Variants in DENND2A observed in about 807,000 individuals in gnomAD.
DENND2A encodes DENN domain-containing protein 2A.
A neutral mutation model predicts 105.3 loss-of-function variants in DENND2A; 53 were observed. The observed-to-expected ratio is 0.50, with a 90% CI of 0.40 to 0.63. The LOEUF is 0.63. Among genes scored for constraint, DENND2A ranks in the 30% least tolerant of loss-of-function variants. DENND2A has a pLI of 0.00. For synonymous variants in DENND2A, 522 were observed against 508.4 expected, an observed-to-expected ratio of 1.03 and a Z score of -0.36; for missense variants, 1,138 against 1,279.6, an observed-to-expected ratio of 0.89 and a Z score of 1.69.
chr7:140,568,231 A>C (rs1681786), intron 8 of DENND2A, among the ~76,000 whole-genome samples: 69,087 of 152,010 alleles, frequency 0.45, 16,300 homozygotes, highest in African/African-American at 0.57. Flanking sequence ...TGAGCCACCA[A>C]GCCCGGCCCC....
In DENND2A at chr7:140,558,180, T is replaced by C. The variant is rs765537033; in HGVS notation, c.1922A>G (p.Asp641Gly). The change falls in exon 11 of 20, where the codon GAT becomes GGT. Residue 641 changes from aspartate to glycine, a missense_variant. Transcript: ENST00000496613. ...GCAGTAACCGAACCTTCTGCTCCCATCTTCTCCAGTTAAGACAAATGAGAA... is the reference window on the plus strand; with the variant it reads ...GCAGTAACCGAACCTTCTGCTCCCACCTTCTCCAGTTAAGACAAATGAGAA... ...ETFSFVLTGE[D>G]GSRRFGYCRR... 11 of 1,613,674 alleles carry C rather than the reference T, an allele frequency of 6.8e-6. No homozygotes were observed. Among genetic ancestry groups the C allele is most frequent in the Non-Finnish European group, 8.5e-6 (10 of 1,179,614 alleles).
At chr7:140,636,150 G>GTGTTCAGGGC (rs1800923429) in intron 1 of DENND2A, among the ~76,000 whole-genome samples, 1 of 152,124 alleles carries the variant, frequency 6.6e-6, no homozygotes, top group Non-Finnish European at 1.5e-5. Context: ...GAGGCTGATA[G>GTGTTCAGGGC]CCAGTGTTCA....
chr7:140,573,810 T>C lies in DENND2A; in HGVS notation c.1444A>G (p.Lys482Glu). The C allele has an allele frequency of 1.2e-6, 2 of 1,613,224 alleles. No homozygotes were observed. Among genetic ancestry groups the C allele is most frequent in the Non-Finnish European group, 1.7e-6 (2 of 1,179,520 alleles). The change falls in exon 6 of 20, where the codon AAG becomes GAG. Residue 482 changes from lysine (K) to glutamate (E), a missense_variant and splice_region_variant. Physicochemically the swap from Lys to Glu is moderately conservative, Grantham distance 56 (BLOSUM62 1). Transcript: ENST00000496613. ...QNGRKKRKIP[K>E]LVLRINAIYE... ...ATGAAGCTTGTTGCCACCATTACCT[T>C]GGGTATCTTTCTCTTCTTCCTGCCG... is the stretch of plus-strand genomic sequence containing the variant.
rs554505794 is a variant in DENND2A at position 140,521,714 on chromosome 7, G to A, written c.2911+141C>T. On this transcript the variant is annotated intron_variant, in intron 18 of 19. Transcript: ENST00000496613. ...GGGGCCTTCCTACCAGCTCAGTCAG[G>A]GCATAACTGCAAGCTCTCTGGGGGA... is the stretch of plus-strand genomic sequence containing the variant. The A allele has an allele frequency of 3.4e-4, 466 of 1,385,458 alleles. 3 individuals are homozygous for A. In the East Asian group the frequency reaches 3.7e-3, roughly 11 times the overall value. 85.8% of individuals were successfully genotyped at this position (1,385,458 alleles called of 1,614,324 possible). A position where few individuals can be genotyped will look rare whatever the true frequency, so the allele number is the denominator to read the frequency against.
chr7:140,621,580 T>C (rs1292600987), intron 1 of DENND2A, among the ~76,000 whole-genome samples: 2 of 152,184 alleles, frequency 1.3e-5, no homozygotes, highest in Non-Finnish European at 2.9e-5. Context: ...AATCCTCGGA[T>C]GCGGAACTCA....
At chr7:140,601,268 T>C in intron 3 of DENND2A, 135 bp downstream of exon 3, 2 of 1,230,426 alleles carry the variant, frequency 1.6e-6, no homozygotes, top group South Asian at 1.7e-5. Context: ...TATCTTAAGC[T>C]ATGAACCATC....
chr7:140,554,054 C>G (rs1048988897), intron 12 of DENND2A, among the ~76,000 whole-genome samples: 1 of 151,572 alleles, frequency 6.6e-6, no homozygotes, highest in Non-Finnish European at 1.5e-5. Flanking sequence ...GGTGAAACCC[C>G]GTCTCTACTA....
chr7:140,588,454 A>T (rs2130652149), intron 3 of DENND2A, among the ~76,000 whole-genome samples: 1 of 152,324 alleles, frequency 6.6e-6, no homozygotes, highest in East Asian at 1.9e-4. Flanking sequence ...CAGCCCATTT[A>T]TGTAGTTCAT....
chr7:140,555,925 T>C (rs577554518), intron 11 of DENND2A, among the ~76,000 whole-genome samples: 112 of 152,316 alleles, frequency 7.4e-4, no homozygotes, highest in African/African-American at 2.6e-3. Context: ...TAATGATAAT[T>C]TCAAGTGAGA....
In DENND2A at chr7:140,615,609, C is replaced by T. The variant is rs555900075; in HGVS notation, c.-247-9803G>A. 2.6e-5 allele frequency among the ~76,000 whole-genome samples: 4 copies of T among 151,498 alleles called. No individual in the cohort carries two copies. The South Asian group carries it at 8.3e-4, about 32-fold the overall frequency. ...CCAGAGTGCAGTGGCACAATCTTGG[C>T]TGACTGCAGTCTCAACCTTCCTGGT... On this transcript the variant is annotated intron_variant, in intron 1 of 19. Transcript: ENST00000496613.
chr7:140,523,719 C>T lies in DENND2A; in HGVS notation c.2548-295G>A, dbSNP rs764048964. Among the ~76,000 whole-genome samples, 7 of 152,044 alleles carry T rather than the reference C, an allele frequency of 4.6e-5. No individual in the cohort carries two copies. Among genetic ancestry groups the T allele is most frequent in the East Asian group, 1.9e-4 (1 of 5,188 alleles). ...CCTCCCAAGTAGCTGGAACTACAGG[C>T]GCGTGCCACCGCTCCTGGCTAATGT... is the stretch of plus-strand genomic sequence containing the variant. On this transcript the variant is annotated intron_variant, in intron 16 of 19. Coordinates refer to ENST00000496613, the MANE Select transcript of DENND2A (RefSeq NM_015689.5). The surrounding 1 kb of genome is among the most constrained non-coding windows in gnomAD (Gnocchi z 4.5).
chr7:140,623,875 T>C (rs899742233), intron 1 of DENND2A, among the ~76,000 whole-genome samples: 2 of 152,226 alleles, frequency 1.3e-5, no homozygotes, highest in African/African-American at 4.8e-5. Flanking sequence ...AACTCTGGCC[T>C]TATATTGACA....
intron 1 of DENND2A, among the ~76,000 whole-genome samples, chr7:140,618,646 C>G (rs1000715887): frequency 6.6e-6 from 1 of 152,148 alleles, no homozygotes; most frequent in African/African-American, 2.4e-5. Context: ...CTCATCATTA[C>G]GAATGTCTGT....
chr7:140,618,782 G>GA (rs1285571159), intron 1 of DENND2A, among the ~76,000 whole-genome samples: 1 of 151,708 alleles, frequency 6.6e-6, no homozygotes, highest in Admixed American at 6.6e-5. Context: ...TTTTTTTACG[G>GA]TTGTATGATT....
chr7:140,591,662 T>TCTTC (rs758815559), intron 3 of DENND2A, among the ~76,000 whole-genome samples: 5,577 of 148,824 alleles, frequency 0.037, 197 homozygotes, highest in African/African-American at 0.1. Context: ...TTCCTTTCTT[T>TCTTC]CTTTCTTTCT....
At chr7:140,616,240 G>A (rs1271342459) in intron 1 of DENND2A, among the ~76,000 whole-genome samples, 2 of 152,096 alleles carry the variant, frequency 1.3e-5, no homozygotes, top group Non-Finnish European at 2.9e-5. Flanking sequence ...GGTGGCGGGC[G>A]CCTGTAACCT....
At chr7:140,540,977 C>G (rs1333235280) in intron 14 of DENND2A, among the ~76,000 whole-genome samples, 2 of 152,094 alleles carry the variant, frequency 1.3e-5, no homozygotes, top group Non-Finnish European at 2.9e-5. Context: ...CTCGGCCTCC[C>G]AAAGTGCTGG....
chr7:140,546,940 C>A lies in DENND2A; in HGVS notation c.2038-1G>T. 6.2e-7 allele frequency: 1 copy of A among 1,612,866 alleles called. No homozygotes were observed. Among genetic ancestry groups the A allele is most frequent in the Non-Finnish European group, 8.5e-7 (1 of 1,179,130 alleles). The stretch of plus-strand genomic sequence containing the variant: ...GTCTTTTTTCCACCTCATCCAAGAT[C>A]TGCAAGGGTCAGAAAAGCAGCTTAG... On this transcript the variant is annotated splice_acceptor_variant, in intron 12 of 19. Transcript: ENST00000496613. LOFTEE classifies it high-confidence loss of function.
chr7:140,550,243 A>AGTGCAAT (rs1197501353), intron 12 of DENND2A, among the ~76,000 whole-genome samples: 1 of 152,084 alleles, frequency 6.6e-6, no homozygotes, highest in South Asian at 2.1e-4. Flanking sequence ...CCCAGGCTGG[A>AGTGCAAT]GTGCAATGGC....
Sources: gnomAD v4.1 joint callset for allele counts (sites outside exome capture counted in the v4.1 genomes callset) on GRCh38, gnomAD v4.1.1 for gene constraint, Gnocchi (gnomAD v3.1) non-coding constraint, MANE v1.5 for transcripts, NCBI Gene and HGNC (gene_info 2026-07-23, HGNC 2026-07-21) for gene names.